Variants in RSF1 observed in about 807,000 individuals in gnomAD.
The protein encoded by RSF1 is remodeling and spacing factor 1.
In RSF1, 13 loss-of-function variants were observed where a neutral mutation model predicts 145.2. That is an observed-to-expected ratio of 0.09 (90% CI 0.06 to 0.14). The LOEUF (loss-of-function observed/expected upper bound fraction) is 0.14. RSF1 is among the 10% of genes least tolerant of loss of function. RSF1 has a pLI of 1.00. For synonymous variants in RSF1, 577 were observed against 592.6 expected (o/e 0.97, Z 0.38); for missense variants, 1,517 against 1,718.2 (o/e 0.88, Z 2.07).
Position 77,667,594 on chromosome 11 carries a change from G to T in RSF1, c.3752-103C>A, listed in dbSNP as rs1469850663. 6 of 1,015,136 alleles carry T rather than the reference G, an allele frequency of 5.9e-6. No individual in the cohort carries two copies. In the Admixed American group the frequency reaches 1.0e-4, roughly 17 times the overall value. 62.9% of individuals were successfully genotyped at this position (1,015,136 alleles called of 1,614,324 possible). On this transcript the variant is annotated intron_variant, in intron 15 of 15. Transcript: ENST00000308488. ...CACCCCACGTCCTGCTTTCAGAATT[G>T]CTTGTACCTAAATGTTTCCTTTCAA...
At chr11:77,820,867 A>C, upstream of RSF1, 2 of 777,058 alleles carry the variant, frequency 2.6e-6, no homozygotes, top group Non-Finnish European at 4.0e-6. Flanking sequence ...GCGATCCCAC[A>C]ATACATCGGC....
At chr11:77,772,846 T>C (rs1462853292) in intron 1 of RSF1, among the ~76,000 whole-genome samples, 3 of 51,808 alleles carry the variant, frequency 5.8e-5, no homozygotes, top group African/African-American at 2.3e-4. Context: ...TTGCCCAAGA[T>C]GGAAAAAAAA....
At chr11:77,674,960 T>C (rs543799532) in intron 14 of RSF1, 76 bp downstream of exon 14, 17 of 1,191,214 alleles carry the variant, frequency 1.4e-5, no homozygotes, top group African/African-American at 6.1e-5. Context: ...GATGGTGCCA[T>C]TGCACTCCAG....
chr11:77,787,400 T>C (rs1208617215), intron 1 of RSF1, among the ~76,000 whole-genome samples: 3 of 152,106 alleles, frequency 2.0e-5, no homozygotes, highest in Non-Finnish European at 4.4e-5. Context: ...AAAGAACATT[T>C]CATGACAATT....
chr11:77,854,107 C>T, the RSF1 span, among the ~76,000 whole-genome samples: 2 of 151,304 alleles, frequency 1.3e-5, no homozygotes, highest in East Asian at 2.0e-4. Context: ...TCTCCTGCCT[C>T]AGCCTCCTGA....
the RSF1 span, chr11:77,831,867 T>A: frequency 6.8e-6 from 1 of 146,124 alleles, no homozygotes; most frequent in African/African-American, 2.7e-5. Flanking sequence ...GGCTAATTTT[T>A]TTTTTTTTTT....
At chr11:77,854,066 C>A in the RSF1 span, among the ~76,000 whole-genome samples, 55 of 149,756 alleles carry the variant, frequency 3.7e-4, no homozygotes, top group South Asian at 8.4e-4. Context: ...TCTTGGCTCA[C>A]TGCAACCTCC....
chr11:77,681,388 A>T (rs1959856896), intron 11 of RSF1, among the ~76,000 whole-genome samples: 1 of 152,198 alleles, frequency 6.6e-6, no homozygotes, highest in Non-Finnish European at 1.5e-5. Flanking sequence ...TCATTCATAC[A>T]TGCTTATGTG....
At chr11:77,810,472 C>G (rs975552699) in intron 1 of RSF1, among the ~76,000 whole-genome samples, 1 of 152,190 alleles carries the variant, frequency 6.6e-6, no homozygotes, top group African/African-American at 2.4e-5. Flanking sequence ...AAAATTAGAT[C>G]AATACTGGGG....
At chr11:77,832,395 C>T in the RSF1 span, among the ~76,000 whole-genome samples, 3 of 150,200 alleles carry the variant, frequency 2.0e-5, no homozygotes, top group Non-Finnish European at 4.4e-5. Flanking sequence ...GGTGTGATCT[C>T]GGCTCGCTGC....
chr11:77,694,592 A>G (rs1208489391), intron 7 of RSF1, among the ~76,000 whole-genome samples: 4 of 152,224 alleles, frequency 2.6e-5, no homozygotes, highest in African/African-American at 9.6e-5. Context: ...AAGATGGTAC[A>G]AAGTTCTCTT....
rs192653380 is a variant in RSF1, at chr11:77,814,661, G to C, written c.187+5867C>G. ...GGGTTTCACCATGTTCGCCAGGCTGGTCTCAAACTCCTGACCTCAGGTGAT... is the reference window on the plus strand; with the variant it reads ...GGGTTTCACCATGTTCGCCAGGCTGCTCTCAAACTCCTGACCTCAGGTGAT... On this transcript the variant is annotated intron_variant, in intron 1 of 15. Coordinates refer to ENST00000308488, the MANE Select transcript of RSF1 (RefSeq NM_016578.4). Among the ~76,000 whole-genome samples the C allele has an allele frequency of 1.3e-3, 198 of 152,206 alleles. 2 individuals are homozygous for C. Among genetic ancestry groups the C allele is most frequent in the African/African-American group, 4.6e-3 (192 of 41,538 alleles).
chr11:77,740,606 C>T lies in RSF1; in HGVS notation c.578+125G>A. The stretch of plus-strand genomic sequence containing the variant: ...TATTACGCTGGATACTAGGTGAGGC[C>T]TTGACAACTCCCAAAACTCACACAC... On this transcript the variant is annotated intron_variant, in intron 4 of 15. Transcript: ENST00000308488. 4 of 784,532 alleles carry T rather than the reference C, an allele frequency of 5.1e-6. No individual in the cohort carries two copies. In the East Asian group the frequency reaches 1.0e-4, roughly 20 times the overall value. The allele number at this position is 784,532 out of a possible 1,614,324, so 48.6% of individuals were successfully genotyped here.
chr11:77,791,892 C>T (rs779916744), intron 1 of RSF1, among the ~76,000 whole-genome samples: 5 of 152,274 alleles, frequency 3.3e-5, no homozygotes, highest in Non-Finnish European at 5.9e-5. Flanking sequence ...TTCCTTTGAG[C>T]CCTCCAAATG....
chr11:77,721,357 A>G (rs1235043420), intron 5 of RSF1, among the ~76,000 whole-genome samples: 1 of 152,216 alleles, frequency 6.6e-6, no homozygotes, highest in African/African-American at 2.4e-5. Flanking sequence ...GAACAGAATC[A>G]TATTTATTTG....
At position 77,672,078 on chromosome 11, in the gene RSF1, C is replaced by T; in HGVS notation, c.3715G>A (p.Val1239Ile). ...SLRRGKEIRR[V>I]HKRRLSSSES... ...GAGCTGGAAAGTCTTCGCTTGTGTA[C>T]TCGCCTTATTTCTTTACCACGTCGC... The change falls in exon 15 of 16, where the codon GTA (valine) becomes ATA (isoleucine). Residue 1239 changes from valine to isoleucine, a missense_variant. By Grantham distance (29) the Val-to-Ile change is conservative. Transcript: ENST00000308488. 1 of 1,613,860 alleles carries T rather than the reference C, an allele frequency of 6.2e-7. No homozygotes were observed. Among genetic ancestry groups the T allele is most frequent in the Admixed American group, 1.7e-5 (1 of 59,948 alleles).
At chr11:77,800,577 G>T (rs1158811488) in intron 1 of RSF1, among the ~76,000 whole-genome samples, 2 of 152,084 alleles carry the variant, frequency 1.3e-5, no homozygotes, top group Non-Finnish European at 2.9e-5. Context: ...ATTTATAAAA[G>T]AATTAACACC....
At chr11:77,813,647 G>A (rs191155383) in intron 1 of RSF1, 150 of 580,196 alleles carry the variant, frequency 2.6e-4, no homozygotes, top group Non-Finnish European at 4.2e-4. Flanking sequence ...CCAGCTCCAC[G>A]CGTGTTTTTC....
the RSF1 span, among the ~76,000 whole-genome samples, chr11:77,856,474 C>G: frequency 6.6e-6 from 1 of 152,142 alleles, no homozygotes; most frequent in Non-Finnish European, 1.5e-5. Flanking sequence ...TATAGCAATA[C>G]CCCCTTCCTG....
Sources: allele counts gnomAD v4.1 joint callset (sites outside exome capture counted in the v4.1 genomes callset), GRCh38; gene constraint gnomAD v4.1.1; transcripts MANE v1.5; gene names NCBI Gene and HGNC (gene_info 2026-07-23, HGNC 2026-07-21).